Variants in MYH10 observed in about 807,000 individuals in gnomAD.
MYH10 encodes the protein myosin heavy chain 10, also known as myosin-10.
MYH10 carries 55 observed loss-of-function variants against 257.8 expected under a neutral mutation model. The observed-to-expected ratio is 0.21, with a 90% CI of 0.17 to 0.27. The LOEUF (loss-of-function observed/expected upper bound fraction) is 0.27, where lower values mean the gene tolerates loss of function less well. Among genes scored for constraint, MYH10 ranks in the 10% least tolerant of loss-of-function variants. MYH10 has a pLI of 1.00. For missense variants in MYH10, 1,631 were observed against 2,500.6 expected, an observed-to-expected ratio of 0.65 and a Z score of 7.42; for synonymous variants, 854 against 921.7, an observed-to-expected ratio of 0.93 and a Z score of 1.33.
chr17:8,595,425 CTTTTTTTTTTTT>C (rs10664342), intron 3 of MYH10, among the ~76,000 whole-genome samples: 4 of 84,212 alleles, frequency 4.7e-5, no homozygotes, highest in Non-Finnish European at 8.3e-5. Context: ...AAGAACAGTT[CTTTTTTTTTTTT>C]TTTTTTTTTT....
chr17:8,521,144 C>T lies in MYH10; in HGVS notation c.2099G>A (p.Arg700Gln), dbSNP rs773722498. The T allele has an allele frequency of 1.2e-5, 20 of 1,614,114 alleles. No individual in the cohort carries two copies. The highest frequency in any genetic ancestry group is 2.7e-5 in the African/African-American group (2 of 74,928). Reference sequence around the variant, plus strand: ...ACGAACAAAGTTAGGGTTGGTGTTTCGGAGAGTTGCCATCAGCTTGGTGAG... The same window carrying T: ...ACGAACAAAGTTAGGGTTGGTGTTTTGGAGAGTTGCCATCAGCTTGGTGAG... The part of the protein sequence containing the change: ...ESLTKLMATL[R>Q]NTNPNFVRCI... The change falls in exon 18 of 43, where the codon CGA (arginine) becomes CAA (glutamine). Residue 700 changes from arginine (R) to glutamine (Q), a missense_variant. Transcript: ENST00000360416.
At position 8,513,886 on chromosome 17, in the gene MYH10, G is replaced by T. The variant is rs780110828; in HGVS notation, c.2513C>A (p.Ala838Asp). ...CRGYLARKAF[A>D]KKQQQLSALK... ...GGCACTTAGTTGCTGCTGCTTCTTG[G>T]CAAAGGCCCTGAAGAACAATAAGAA... is the stretch of plus-strand genomic sequence containing the variant. The change falls in exon 22 of 43, where the codon GCC (alanine) becomes GAC (aspartate). Residue 838 changes from alanine to aspartate, a missense_variant. This residue lies in a region of MYH10 where 116 missense variants were observed against 221.6 expected (regional missense o/e 0.52). Transcript: ENST00000360416. 3.1e-6 allele frequency: 5 copies of T among 1,613,886 alleles called. No individual in the cohort carries two copies. The highest frequency in any genetic ancestry group is 3.4e-6 in the Non-Finnish European group (4 of 1,179,842).
intron 10 of MYH10, 48 bp from the exon 11 acceptor site, chr17:8,548,456 T>C (rs768865007): frequency 2.1e-6 from 3 of 1,450,446 alleles, no homozygotes; most frequent in African/African-American, 1.4e-5. Flanking sequence ...CCTCAAAATG[T>C]AGCGGAGACA....
chr17:8,480,638 A>AT, intron 38 of MYH10, 113 bp from the exon 39 acceptor site: 1 of 1,426,474 alleles, frequency 7.0e-7, no homozygotes, highest in Non-Finnish European at 9.6e-7. Flanking sequence ...GCCATCCTGA[A>AT]TTTTCTCTTT....
chr17:8,511,200 A>G (rs2081283096), intron 24 of MYH10: 1 of 151,834 alleles, frequency 6.6e-6, no homozygotes, highest in Non-Finnish European at 1.5e-5. Context: ...CCCTCCAAAA[A>G]ACGAAATTAA....
intron 6 of MYH10, chr17:8,574,002 G>A (rs72845202): frequency 0.021 from 3,581 of 172,836 alleles, 43 homozygotes; most frequent in Non-Finnish European, 0.032. Context: ...CAGAATTACC[G>A]TATGACCCAG....
At chr17:8,501,042 AG>A in intron 28 of MYH10, 72 bp from the exon 29 acceptor site, 1 of 1,461,908 alleles carries the variant, frequency 6.8e-7, no homozygotes, top group Non-Finnish European at 9.2e-7. Flanking sequence ...TTTTTGAAAA[AG>A]TACTGTTTTT....
intron 37 of MYH10, among the ~76,000 whole-genome samples, chr17:8,483,705 G>T (rs1914261575): frequency 6.6e-6 from 1 of 152,156 alleles, no homozygotes; most frequent in South Asian, 2.1e-4. Context: ...GATAAATGAA[G>T]GAATAACAGG....
rs1912347878 is a variant in MYH10, at chr17:8,475,262, A to G, written c.*542T>C. On this transcript the variant is annotated 3_prime_UTR_variant, in exon 43 of 43. Transcript: ENST00000360416. ...AGCCCACCCCTCCTACTCTTTCCAA[A>G]GCCCCTTTCACAGTTTGCTCACTGA... 1 of 153,040 alleles carries G rather than the reference A, an allele frequency of 6.5e-6. No homozygotes were observed. The highest frequency in any genetic ancestry group is 1.5e-5 in the Non-Finnish European group (1 of 68,648). 9.5% of individuals were successfully genotyped at this position (153,040 alleles called of 1,614,324 possible). A position where few individuals can be genotyped will look rare whatever the true frequency, so the allele number is the denominator to read the frequency against.
intron 16 of MYH10, among the ~76,000 whole-genome samples, chr17:8,534,045 G>A (rs949606412): frequency 6.6e-6 from 1 of 152,116 alleles, no homozygotes; most frequent in African/African-American, 2.4e-5. Flanking sequence ...GAGCTCAGAG[G>A]TCTTTTTCTG....
chr17:8,525,955 G>A (rs1421407402), intron 17 of MYH10, among the ~76,000 whole-genome samples: 1 of 152,084 alleles, frequency 6.6e-6, no homozygotes, highest in Non-Finnish European at 1.5e-5. Context: ...ACCATGCCTG[G>A]CTAATTTTTG....
chr17:8,578,345 C>G lies in MYH10; in HGVS notation c.531-1007G>C, dbSNP rs189728863. 2.1e-3 allele frequency among the ~76,000 whole-genome samples: 313 copies of G among 145,960 alleles called. 3 individuals carry two copies. The highest frequency in any genetic ancestry group is 0.017 in the South Asian group (77 of 4,508). ...ACAACCTCTGCCTCCTGGGTTCAAA[C>G]AATTCTCCTGCCTCAGCTTCCCAAG... On this transcript the variant is annotated intron_variant, in intron 4 of 42. Transcript: ENST00000360416.
Position 8,542,288 on chromosome 17 carries a change from T to C in MYH10, c.1432-8A>G. The C allele has an allele frequency of 1.2e-6, 2 of 1,609,692 alleles. No individual in the cohort carries two copies. The highest frequency in any genetic ancestry group is 1.7e-6 in the Non-Finnish European group (2 of 1,177,678). On this transcript the variant is annotated splice_region_variant and splice_polypyrimidine_tract_variant and intron_variant, in intron 13 of 42. Coordinates refer to ENST00000360416, the MANE Select transcript of MYH10 (RefSeq NM_001256012.3). The stretch of plus-strand genomic sequence containing the variant: ...TTGTTCAAAGGAGTTCAGCTACAAA[T>C]GTCAAAGGGTAATTTTCCAAACATG...
In MYH10 at chr17:8,506,168, G is replaced by A. The variant is rs1456982189; in HGVS notation, c.3386+150C>T. On this transcript the variant is annotated intron_variant, in intron 27 of 42. Transcript: ENST00000360416. This position sits in a 1 kb window ranked among gnomAD's most constrained non-coding sequence, Gnocchi z 5.0. ...TGCTGTCCTGACACAAATTCTGTAC[G>A]CCTGGGCTTTTCACTTTCTCAGGTC... is the stretch of plus-strand genomic sequence containing the variant. 8 of 676,850 alleles carry A rather than the reference G, an allele frequency of 1.2e-5. No homozygotes were observed. The highest frequency in any genetic ancestry group is 9.7e-5 in the Admixed American group (3 of 31,068). The allele number at this position is 676,850 out of a possible 1,614,324, so 41.9% of individuals were successfully genotyped here.
intron 2 of MYH10, among the ~76,000 whole-genome samples, chr17:8,616,642 T>TA (rs2085272492): frequency 2.0e-5 from 3 of 151,950 alleles, no homozygotes; most frequent in Admixed American, 2.0e-4. Flanking sequence ...AAGAACTAAA[T>TA]AAATGAGTTT....
At chr17:8,489,354 C>G (rs1304379671) in intron 35 of MYH10, among the ~76,000 whole-genome samples, 1 of 152,136 alleles carries the variant, frequency 6.6e-6, no homozygotes, top group Admixed American at 6.5e-5. Flanking sequence ...TCTTATCCAG[C>G]AATAAATGAT....
chr17:8,482,356 A>C (rs1913974353), intron 37 of MYH10, among the ~76,000 whole-genome samples: 1 of 152,248 alleles, frequency 6.6e-6, no homozygotes, highest in African/African-American at 2.4e-5. Context: ...CACCTGCCTT[A>C]CATGAGTGTA....
chr17:8,541,747 C>T (rs1037262859), intron 14 of MYH10, among the ~76,000 whole-genome samples: 3 of 152,084 alleles, frequency 2.0e-5, no homozygotes, highest in African/African-American at 4.8e-5. Context: ...TTACGTGACA[C>T]GTCTTGTTCT....
At chr17:8,558,190 A>T (rs2082871230) in intron 7 of MYH10, among the ~76,000 whole-genome samples, 1 of 152,212 alleles carries the variant, frequency 6.6e-6, no homozygotes, top group Admixed American at 6.5e-5. Flanking sequence ...GAGATAGGCT[A>T]AACAAATAAG....
Sources: allele counts gnomAD v4.1 joint callset (sites outside exome capture counted in the v4.1 genomes callset), GRCh38; gene constraint gnomAD v4.1.1; regional missense constraint gnomAD v4.1.1; non-coding constraint Gnocchi (gnomAD v3.1); transcripts MANE v1.5; gene names NCBI Gene and HGNC (gene_info 2026-07-23, HGNC 2026-07-21).